Variants in RALGAPA2 observed in about 807,000 individuals in gnomAD.
RALGAPA2 encodes the protein ral GTPase-activating protein subunit alpha-2.
In RALGAPA2, 139 loss-of-function variants were observed where a neutral mutation model predicts 230.4. That is an observed-to-expected ratio of 0.60 (90% CI 0.53 to 0.69). The LOEUF is 0.69. Ranked by LOEUF, RALGAPA2 falls within the 30% of genes least tolerant of loss-of-function variation. The probability of loss-of-function intolerance (pLI) is 0.00; values close to 1 mark genes in which losing one functional copy is unlikely to be tolerated. For missense variants in RALGAPA2, 2,163 were observed against 2,276.0 expected (o/e 0.95, Z 1.01); for synonymous variants, 847 against 837.8 (o/e 1.01, Z -0.19).
intron 37 of RALGAPA2, among the ~76,000 whole-genome samples, chr20:20,458,867 TATATATATACACAC>T (rs2061232217): frequency 1.6e-4 from 3 of 18,604 alleles, no homozygotes; most frequent in Admixed American, 5.6e-4. Flanking sequence ...TATATATATA[TATATATATACACAC>T]ACACAAATAA....
intron 37 of RALGAPA2, among the ~76,000 whole-genome samples, chr20:20,428,925 G>A (rs1197719992): frequency 6.6e-6 from 1 of 151,990 alleles, no homozygotes; most frequent in Non-Finnish European, 1.5e-5. Context: ...ATGTTGTACT[G>A]AGTATTATAG....
chr20:20,437,333 TCAC>T lies in RALGAPA2; in HGVS notation c.5496-25188_5496-25186del, dbSNP rs1332726313. On this transcript the variant is annotated intron_variant, in intron 37 of 39. Coordinates refer to ENST00000202677, the MANE Select transcript of RALGAPA2 (RefSeq NM_020343.4). This position sits in a 1 kb window ranked among gnomAD's most constrained non-coding sequence, Gnocchi z 4.1. ...CATCAATCCAGAACCTGACCACTTG[TCAC>T]CACCACACGCCACCATCCAGGCCAC... Among the ~76,000 whole-genome samples, 1 of 151,960 alleles carries T rather than the reference TCAC, an allele frequency of 6.6e-6. No individual in the cohort carries two copies. The highest frequency in any genetic ancestry group is 1.5e-5 in the Non-Finnish European group (1 of 67,956).
intron 36 of RALGAPA2, among the ~76,000 whole-genome samples, chr20:20,475,699 AC>A (rs1358761052): frequency 2.6e-5 from 4 of 152,216 alleles, no homozygotes; most frequent in Non-Finnish European, 5.9e-5. Context: ...GTCTATGTTC[AC>A]CTCTTCTACT....
chr20:20,656,730 G>A (rs2067601461), intron 3 of RALGAPA2, among the ~76,000 whole-genome samples: 1 of 152,158 alleles, frequency 6.6e-6, no homozygotes, highest in Non-Finnish European at 1.5e-5. Flanking sequence ...CTTACCAACA[G>A]AACCTAAACT....
Position 20,503,419 on chromosome 20 carries a change from T to G in RALGAPA2, c.5140A>C (p.Thr1714Pro). The change falls in exon 35 of 40, where the codon ACT (threonine) becomes CCT (proline). Residue 1714 changes from threonine to proline, a missense_variant. Physicochemically the swap from Thr to Pro is conservative, Grantham distance 38. Transcript: ENST00000202677. ...GAAACATGGAAAATCACTTCCACAG[T>G]TGAGGTAGCATAGTAAGGGGCCGTC... ...GQTAPYYATS[T>P]VEVIFHVSTR... The G allele has an allele frequency of 6.2e-7, 1 of 1,607,282 alleles. No individual in the cohort carries two copies. Among genetic ancestry groups the G allele is most frequent in the Non-Finnish European group, 8.5e-7 (1 of 1,175,912 alleles).
intron 36 of RALGAPA2, among the ~76,000 whole-genome samples, chr20:20,474,257 GTAGAAT>G (rs1276744147): frequency 6.6e-6 from 1 of 152,152 alleles, no homozygotes; most frequent in Non-Finnish European, 1.5e-5. Flanking sequence ...TGTGGTGGGA[GTAGAAT>G]TAGTATGTTT....
At chr20:20,575,540 C>T (rs1391000636) in intron 20 of RALGAPA2, among the ~76,000 whole-genome samples, 2 of 151,404 alleles carry the variant, frequency 1.3e-5, no homozygotes, top group African/African-American at 4.8e-5. Context: ...CAGAACCCGC[C>T]TAATTTACTT....
intron 3 of RALGAPA2, among the ~76,000 whole-genome samples, chr20:20,669,113 C>A (rs1314826418): frequency 6.6e-6 from 1 of 152,176 alleles, no homozygotes; most frequent in East Asian, 1.9e-4. Context: ...ATGAGTGGCA[C>A]TCCAATGCCA....
At chr20:20,440,118 A>C (rs1444763151) in intron 37 of RALGAPA2, among the ~76,000 whole-genome samples, 1 of 152,232 alleles carries the variant, frequency 6.6e-6, no homozygotes, top group Non-Finnish European at 1.5e-5. Flanking sequence ...TACTGAGAAT[A>C]AACAACACCA....
Position 20,412,153 on chromosome 20 carries a change from G to A in RALGAPA2, c.5496-5C>T, listed in dbSNP as rs765803991. 71 of 1,613,612 alleles carry A rather than the reference G, an allele frequency of 4.4e-5. No individual in the cohort carries two copies. The Admixed American group carries it at 7.5e-4, about 17-fold the overall frequency. ...TACAGAGCTCGCTCTTCATAGCTGC[G>A]GTAATCGGTTAAGGAAACAAGTGCA... is the stretch of plus-strand genomic sequence containing the variant. On this transcript the variant is annotated splice_polypyrimidine_tract_variant and splice_region_variant and intron_variant, in intron 37 of 39. Coordinates refer to ENST00000202677, the MANE Select transcript of RALGAPA2 (RefSeq NM_020343.4).
At chr20:20,655,824 A>C (rs1457088323) in intron 3 of RALGAPA2, among the ~76,000 whole-genome samples, 1 of 152,152 alleles carries the variant, frequency 6.6e-6, no homozygotes, top group Admixed American at 6.6e-5. Context: ...GCAGGAGATA[A>C]AATTGTCAGG....
rs980325305 is a variant in RALGAPA2 at position 20,601,849 on chromosome 20, G to A, written c.2039-3C>T. The A allele has an allele frequency of 1.3e-6, 2 of 1,576,304 alleles. No homozygotes were observed. Among genetic ancestry groups the A allele is most frequent in the African/African-American group, 1.4e-5 (1 of 73,136 alleles). ...TTTCTGAGGATCTAGAACACAGCCTGATAAAGGAAAAGAAAAATAATCTAA... is the reference window on the plus strand; with the variant it reads ...TTTCTGAGGATCTAGAACACAGCCTAATAAAGGAAAAGAAAAATAATCTAA... On this transcript the variant is annotated splice_region_variant and splice_polypyrimidine_tract_variant and intron_variant, in intron 15 of 39. Transcript: ENST00000202677.
At chr20:20,555,834 C>G (rs1039781733) in intron 23 of RALGAPA2, among the ~76,000 whole-genome samples, 11 of 152,116 alleles carry the variant, frequency 7.2e-5, no homozygotes, top group African/African-American at 2.7e-4. Flanking sequence ...TTTCCAAATA[C>G]AAGATCATAT....
chr20:20,709,936 A>G (rs1207029878), intron 1 of RALGAPA2, among the ~76,000 whole-genome samples: 1 of 152,232 alleles, frequency 6.6e-6, no homozygotes, highest in Non-Finnish European at 1.5e-5. Flanking sequence ...ATGGTGGGAG[A>G]TATGTAATGG....
chr20:20,501,313 C>A (rs2062369641), intron 35 of RALGAPA2, among the ~76,000 whole-genome samples: 1 of 152,248 alleles, frequency 6.6e-6, no homozygotes, highest in Non-Finnish European at 1.5e-5. Context: ...AGTGTAGCCA[C>A]CTCCATCAGT....
At position 20,652,114 on chromosome 20, in the gene RALGAPA2, T is replaced by A. The variant is rs936961078; in HGVS notation, c.328+1416A>T. The stretch of plus-strand genomic sequence containing the variant: ...GGTTCAATTGACATATACACTTTTT[T>A]AAATTAAGAACATATAACTTCAAAT... On this transcript the variant is annotated intron_variant, in intron 4 of 39. Coordinates refer to ENST00000202677, the MANE Select transcript of RALGAPA2 (RefSeq NM_020343.4). Among the ~76,000 whole-genome samples, 5 of 152,346 alleles carry A rather than the reference T, an allele frequency of 3.3e-5. No individual in the cohort carries two copies. In the East Asian group the frequency reaches 5.8e-4, roughly 18 times the overall value.
At chr20:20,530,641 G>C (rs1467998409) in intron 27 of RALGAPA2, among the ~76,000 whole-genome samples, 2 of 152,220 alleles carry the variant, frequency 1.3e-5, no homozygotes, top group Admixed American at 6.5e-5. Flanking sequence ...GGCGTCAGCT[G>C]TAAGTGCCGT....
intron 31 of RALGAPA2, among the ~76,000 whole-genome samples, chr20:20,519,549 G>GCT (rs2062976060): frequency 6.6e-6 from 1 of 152,202 alleles, no homozygotes; most frequent in Non-Finnish European, 1.5e-5. Flanking sequence ...TGGTGAAAGT[G>GCT]CTCTGGCAAA....
At chr20:20,460,444 G>C (rs187720357) in intron 37 of RALGAPA2, among the ~76,000 whole-genome samples, 1 of 152,256 alleles carries the variant, frequency 6.6e-6, no homozygotes, top group East Asian at 1.9e-4. Flanking sequence ...CAATAAACAA[G>C]ATACACTTTA....
Sources: gnomAD v4.1 joint callset for allele counts (sites outside exome capture counted in the v4.1 genomes callset) on GRCh38, gnomAD v4.1.1 for gene constraint, Gnocchi (gnomAD v3.1) non-coding constraint, MANE v1.5 for transcripts, NCBI Gene and HGNC (gene_info 2026-07-23, HGNC 2026-07-21) for gene names.